Variants in DLG1 observed in about 807,000 individuals in gnomAD.
DLG1 encodes the protein disks large homolog 1.
DLG1 carries 42 observed loss-of-function variants against 123.4 expected under a neutral mutation model. The observed-to-expected ratio is 0.34, with a 90% CI of 0.27 to 0.44. The LOEUF is 0.44. DLG1 is among the 20% of genes least tolerant of loss of function. The pLI is 1.00. For missense variants in DLG1, 942 were observed against 1,082.6 expected, an observed-to-expected ratio of 0.87 and a Z score of 1.82; for synonymous variants, 317 against 356.2, an observed-to-expected ratio of 0.89 and a Z score of 1.24.
At chr3:197,242,000 C>G (rs1489505805) in intron 4 of DLG1, among the ~76,000 whole-genome samples, 1 of 152,010 alleles carries the variant, frequency 6.6e-6, no homozygotes, top group Non-Finnish European at 1.5e-5. Flanking sequence ...ACTCAGTTCT[C>G]CAATTAAAAG....
chr3:197,138,387 T>C lies in DLG1; in HGVS notation c.718A>G (p.Asn240Asp). The C allele has an allele frequency of 7.3e-7, 1 of 1,367,530 alleles. No homozygotes were observed. The allele number at this position is 1,367,530 out of a possible 1,614,324, so 84.7% of individuals were successfully genotyped here. ...TCATTTACTCGTAATATACAGTCAT[T>C]GACCCTGAGAAAACAATTAAATATT... ...AAAQDGRLRV[N>D]DCILRVNEVD... Residue 240 changes from asparagine (N) to aspartate (D), a missense_variant, in exon 9 of 25, where the codon AAT becomes GAT. By Grantham distance (23) the Asn-to-Asp change is conservative. Coordinates refer to ENST00000667157, the MANE Select transcript of DLG1 (RefSeq NM_001366207.1).
At chr3:197,218,181 T>C (rs138606677) in intron 4 of DLG1, among the ~76,000 whole-genome samples, 2 of 152,328 alleles carry the variant, frequency 1.3e-5, no homozygotes, top group African/African-American at 4.8e-5. Context: ...TTCGAGGCAG[T>C]CTGTATAGCA....
chr3:197,079,335 T>C (rs1389532586), intron 17 of DLG1, among the ~76,000 whole-genome samples: 1 of 152,172 alleles, frequency 6.6e-6, no homozygotes, highest in Non-Finnish European at 1.5e-5. Context: ...TGTAAGTCTG[T>C]AGTAAAAATA....
chr3:197,189,719 T>C (rs1035897730), intron 5 of DLG1, among the ~76,000 whole-genome samples: 6 of 152,212 alleles, frequency 3.9e-5, no homozygotes, highest in Admixed American at 2.0e-4. Context: ...ACGCTTCTCA[T>C]AGAACCAGCT....
intron 5 of DLG1, among the ~76,000 whole-genome samples, chr3:197,164,859 T>C (rs542642356): frequency 2.0e-5 from 3 of 151,502 alleles, no homozygotes; most frequent in Admixed American, 2.0e-4. Context: ...CAGGTGGAAG[T>C]TGCAGTGAGC....
chr3:197,263,327 A>G (rs1404777160), intron 4 of DLG1, among the ~76,000 whole-genome samples: 1 of 122,142 alleles, frequency 8.2e-6, no homozygotes, highest in Non-Finnish European at 1.7e-5. Context: ...CAGCCTGTGT[A>G]ACTTAAGCAG....
rs888008778 is a variant in DLG1, at chr3:197,140,153, C to T, written c.700G>A (p.Asp234Asn). The T allele has an allele frequency of 7.4e-6, 12 of 1,613,220 alleles. No homozygotes were observed. Among genetic ancestry groups the T allele is most frequent in the Non-Finnish European group, 1.0e-5 (12 of 1,179,578 alleles). The change falls in exon 8 of 25, where the codon GAT becomes AAT. Residue 234 changes from aspartate (D) to asparagine (N), a missense_variant. Transcript: ENST00000667157. The part of the protein sequence containing the change: ...KIITGGAAAQ[D>N]GRLRVNDCIL... ...CGCAAAACATACCGCAATCTTCCATCTTGGGCGGCTGCTCCCCCTGTGATA... is the reference window on the plus strand; with the variant it reads ...CGCAAAACATACCGCAATCTTCCATTTTGGGCGGCTGCTCCCCCTGTGATA...
chr3:197,132,445 T>C (rs750680095), intron 10 of DLG1, among the ~76,000 whole-genome samples: 19 of 152,240 alleles, frequency 1.2e-4, no homozygotes, highest in South Asian at 2.1e-4. Context: ...CACAAAAAAA[T>C]GTAAAGGTCA....
chr3:197,290,016 C>A (rs552244384), intron 3 of DLG1, among the ~76,000 whole-genome samples: 114 of 152,066 alleles, frequency 7.5e-4, no homozygotes, highest in African/African-American at 2.7e-3. Flanking sequence ...ACAAGATAAA[C>A]CTGGAACATC....
chr3:197,115,273 A>G (rs907876011), intron 13 of DLG1, among the ~76,000 whole-genome samples: 5 of 152,174 alleles, frequency 3.3e-5, no homozygotes, highest in African/African-American at 4.8e-5. Context: ...TCACAGTAGA[A>G]CTATAGGTAA....
chr3:197,126,512 A>G (rs1401776880), intron 11 of DLG1, among the ~76,000 whole-genome samples: 1 of 152,144 alleles, frequency 6.6e-6, no homozygotes, highest in Non-Finnish European at 1.5e-5. Context: ...CTAATACTCA[A>G]TTCGTGGAAC....
At chr3:197,158,634 CAAAAAAAAAA>C (rs71623339) in intron 5 of DLG1, among the ~76,000 whole-genome samples, 2 of 67,476 alleles carry the variant, frequency 3.0e-5, no homozygotes, top group African/African-American at 5.5e-5. Context: ...AACTCCATTT[CAAAAAAAAAA>C]AAAAAAAAAA....
intron 13 of DLG1, 94 bp downstream of exon 13, chr3:197,115,833 C>G: frequency 8.4e-7 from 1 of 1,190,874 alleles, no homozygotes; most frequent in East Asian, 2.5e-5. Context: ...CAAGATATCC[C>G]CATTACTTTA....
chr3:197,296,420 T>G lies in DLG1; in HGVS notation c.77A>C (p.Glu26Ala), dbSNP rs577307210. The G allele has an allele frequency of 1.1e-5, 17 of 1,613,598 alleles. No homozygotes were observed. In the African/African-American group the frequency reaches 2.1e-4, roughly 20 times the overall value. ...EEYRSKLSQT[E>A]DRQLRSSIER... ...TATGGAACTTCTGAGCTGTCTGTCT[T>G]CAGTTTGGCTTAGTTTTGAACGATA... is the stretch of plus-strand genomic sequence containing the variant. The change falls in exon 3 of 25, where the codon GAA becomes GCA. Residue 26 changes from glutamate (E) to alanine (A), a missense_variant. By Grantham distance (107) the Glu-to-Ala change is moderately radical. Coordinates refer to ENST00000667157, the MANE Select transcript of DLG1 (RefSeq NM_001366207.1).
intron 4 of DLG1, among the ~76,000 whole-genome samples, chr3:197,231,023 A>T (rs1015897329): frequency 6.6e-6 from 1 of 152,236 alleles, no homozygotes; most frequent in Admixed American, 6.5e-5. Context: ...CCATGGTGAC[A>T]GCTTCAACAT....
At chr3:197,107,574 A>G (rs987255316) in intron 13 of DLG1, among the ~76,000 whole-genome samples, 9 of 149,890 alleles carry the variant, frequency 6.0e-5, no homozygotes, top group Non-Finnish European at 1.0e-4. Context: ...ACCAAACCCA[A>G]AAAAAAAAGG....
chr3:197,106,513 C>A (rs1766496368), intron 13 of DLG1, among the ~76,000 whole-genome samples: 1 of 150,094 alleles, frequency 6.7e-6, no homozygotes, highest in South Asian at 2.1e-4. Context: ...TGATGATGGC[C>A]ATATAAAACT....
chr3:197,203,930 G>A (rs1251331338), intron 4 of DLG1, among the ~76,000 whole-genome samples: 4 of 152,186 alleles, frequency 2.6e-5, no homozygotes, highest in African/African-American at 9.7e-5. Context: ...GGAAGACAAT[G>A]AAATCTATCC....
chr3:197,274,488 GATACA>G (rs535715267), intron 4 of DLG1, among the ~76,000 whole-genome samples: 247 of 151,452 alleles, frequency 1.6e-3, no homozygotes, highest in Non-Finnish European at 3.1e-3. Context: ...GACCTGAAAA[GATACA>G]ATACGACACG....
Sources: gnomAD v4.1 joint callset for allele counts (sites outside exome capture counted in the v4.1 genomes callset) on GRCh38, gnomAD v4.1.1 for gene constraint, MANE v1.5 for transcripts, NCBI Gene and HGNC (gene_info 2026-07-23, HGNC 2026-07-21) for gene names.